The following USP30 variants were observed in gnomAD, a reference collection of about 807,000 sequenced individuals.
The protein encoded by USP30 is ubiquitin specific peptidase 30.
USP30 carries 41 observed loss-of-function variants against 68.2 expected under a neutral mutation model. The observed-to-expected ratio is 0.60, with a 90% CI of 0.47 to 0.78. The LOEUF is 0.78. USP30 is among the 30% of genes least tolerant of loss of function. The probability of loss-of-function intolerance (pLI) is 0.00; values close to 1 mark genes in which losing one functional copy is unlikely to be tolerated. For synonymous variants in USP30, 229 were observed against 253.7 expected (o/e 0.90, Z 0.93); for missense variants, 522 against 649.4 (o/e 0.80, Z 2.13).
chr12:109,048,199 C>T (rs964479570), upstream of USP30, among the ~76,000 whole-genome samples: 1 of 151,734 alleles, frequency 6.6e-6, no homozygotes, highest in African/African-American at 2.4e-5. Context: ...AATCCTCCCA[C>T]CTCAGCCTCC....
At chr12:109,076,510 T>G (rs2041612697) in intron 7 of USP30, among the ~76,000 whole-genome samples, 1 of 152,220 alleles carries the variant, frequency 6.6e-6, no homozygotes, top group East Asian at 1.9e-4. Context: ...GTTTCAAATC[T>G]TCTGAAGCAA....
rs2040750283 is a variant in USP30 at position 109,053,737 on chromosome 12, C to T, written c.83+976C>T. The T allele has an allele frequency of 1.5e-5, 4 of 258,108 alleles. No homozygotes were observed. In the Admixed American group the frequency reaches 2.1e-4, roughly 13 times the overall value. The allele number at this position is 258,108 out of a possible 1,614,324, so 16.0% of individuals were successfully genotyped here. ...CAGATCTTTTCATCCGCAGGCCCCA[C>T]CACTCTCCTCGTGATGTCATTTTGC... On this transcript the variant is annotated intron_variant, in intron 1 of 12. Coordinates refer to ENST00000257548, the MANE Select transcript of USP30 (RefSeq NM_032663.5).
chr12:109,028,016 G>A (rs574367710), intron 3 of USP30, among the ~76,000 whole-genome samples: 19 of 152,206 alleles, frequency 1.2e-4, no homozygotes, highest in Non-Finnish European at 2.6e-4. Flanking sequence ...CACCAGCAAT[G>A]CACAAGGATT....
chr12:109,067,281 T>G (rs375191817), intron 3 of USP30, among the ~76,000 whole-genome samples: 1 of 39,470 alleles, frequency 2.5e-5, no homozygotes, highest in Non-Finnish European at 8.7e-5. Context: ...GCCCGGCTAA[T>G]TTTTTTTTTT....
At chr12:109,031,646 T>C (rs992509199) in intron 3 of USP30, among the ~76,000 whole-genome samples, 1 of 152,224 alleles carries the variant, frequency 6.6e-6, no homozygotes, top group Non-Finnish European at 1.5e-5. Context: ...GGTCTATCCA[T>C]GCAATGGAAT....
At chr12:109,041,871 A>G (rs1336698582) in intron 3 of USP30, among the ~76,000 whole-genome samples, 1 of 152,186 alleles carries the variant, frequency 6.6e-6, no homozygotes, top group Non-Finnish European at 1.5e-5. Flanking sequence ...AAGCACAACC[A>G]GAAAAAAATA....
At chr12:109,042,857 G>A in intron 3 of USP30, among the ~76,000 whole-genome samples, 1 of 152,094 alleles carries the variant, frequency 6.6e-6, no homozygotes, top group East Asian at 1.9e-4. Context: ...AAACCTTAAA[G>A]AGTCCAGAAA....
Position 109,081,965 on chromosome 12 carries a change from C to T in USP30, c.813C>T (p.His271=), listed in dbSNP as rs139956606. The stretch of plus-strand genomic sequence containing the variant: ...CATTGACCCTGGACCACTGCCTTCA[C>T]CACTTCATCTCATCAGAATCAGTGC... ...GHPLTLDHCL[H]HFISSESVRD... is the part of the protein sequence containing the mutation. The change falls in exon 9 of 13, where the codon CAC becomes CAT. Residue 271 remains histidine, a synonymous_variant. Coordinates refer to ENST00000257548, the MANE Select transcript of USP30 (RefSeq NM_032663.5). 65 of 1,614,148 alleles carry T rather than the reference C, an allele frequency of 4.0e-5. No homozygotes were observed. The highest frequency in any genetic ancestry group is 3.4e-6 in the Non-Finnish European group (4 of 1,180,058).
chr12:109,037,703 T>C (rs2040531719), intron 3 of USP30, among the ~76,000 whole-genome samples: 1 of 152,184 alleles, frequency 6.6e-6, no homozygotes, highest in South Asian at 2.1e-4. Context: ...AATAATTGGA[T>C]AGAGATTTCC....
chr12:109,040,596 T>C (rs1169018497), intron 3 of USP30, among the ~76,000 whole-genome samples: 1 of 152,208 alleles, frequency 6.6e-6, no homozygotes, highest in East Asian at 1.9e-4. Flanking sequence ...ATGTTGGCTA[T>C]GGCTGTGGTC....
intron 9 of USP30, 49 bp downstream of exon 9, chr12:109,082,068 ATGT>A (rs778799807): frequency 1.9e-5 from 30 of 1,584,818 alleles, no homozygotes; most frequent in Non-Finnish European, 1.7e-6. Flanking sequence ...GTGTGTGCTG[ATGT>A]AGCGCCTCTC....
At chr12:109,026,625 G>A (rs2040447239) in intron 2 of USP30, among the ~76,000 whole-genome samples, 1 of 150,704 alleles carries the variant, frequency 6.6e-6, no homozygotes, top group South Asian at 2.1e-4. Flanking sequence ...GCACCACCAT[G>A]CCCACCTAAT....
rs2041959341 is a variant in USP30 at position 109,086,880 on chromosome 12, A to C, written c.*949A>C. On this transcript the variant is annotated 3_prime_UTR_variant, in exon 13 of 13. Transcript: ENST00000257548. ...GAGTTGACACCTGGCTTAGGAAGGA[A>C]GGGCTGACTATGGGGCTGCAGTCTC... The C allele has an allele frequency of 1.3e-5, 2 of 152,278 alleles. No homozygotes were observed. The highest frequency in any genetic ancestry group is 4.8e-5 in the African/African-American group (2 of 41,460). 9.4% of individuals were successfully genotyped at this position (152,278 alleles called of 1,614,324 possible). A position where few individuals can be genotyped will look rare whatever the true frequency, so the allele number is the denominator to read the frequency against.
intron 3 of USP30, 88 bp downstream of exon 3, chr12:109,058,196 T>A (rs2040936917): frequency 1.5e-6 from 2 of 1,325,810 alleles, no homozygotes; most frequent in Non-Finnish European, 2.1e-6. Context: ...GTTAATACCT[T>A]ATTGTAGGAA....
rs35466141 is a variant in USP30 at position 109,066,247 on chromosome 12, C to CAAA, written c.377-1260_377-1258dup. Among the ~76,000 whole-genome samples the CAAA allele has an allele frequency of 2.3e-3, 221 of 95,880 alleles. 3 individuals carry two copies. The highest frequency in any genetic ancestry group is 9.5e-3 in the African/African-American group (200 of 21,048). The allele number at this position is 95,880 out of a possible 152,430, so 62.9% of individuals were successfully genotyped here. ...AGCCTGACAGAATGAGACCCTGTCT[C>CAAA]AAAAAAAAAAAAAAAAAAAGCAAGC... On this transcript the variant is annotated intron_variant, in intron 3 of 12. Transcript: ENST00000257548.
At chr12:109,046,987 T>C (rs1239331168) in intron 3 of USP30, among the ~76,000 whole-genome samples, 1 of 152,098 alleles carries the variant, frequency 6.6e-6, no homozygotes, top group East Asian at 1.9e-4. Flanking sequence ...GTTGAGCCAC[T>C]GCGCCCGGCC....
Position 109,067,510 on chromosome 12 carries a change from T to G in USP30, c.377-14T>G, listed in dbSNP as rs76009193. 10,058 of 1,609,624 alleles carry G rather than the reference T, an allele frequency of 6.2e-3. 513 individuals are homozygous for G. In the African/African-American group the frequency reaches 0.11, roughly 18 times the overall value. On this transcript the variant is annotated splice_polypyrimidine_tract_variant and intron_variant, in intron 3 of 12. Coordinates refer to ENST00000257548, the MANE Select transcript of USP30 (RefSeq NM_032663.5). ...TGATGAATTTAATAATTGTCTTACC[T>G]TTTTTGTTTCCAGCCTTGTCCTGCC...
intron 1 of USP30, chr12:109,053,961 C>G: frequency 6.6e-6 from 3 of 455,562 alleles, no homozygotes; most frequent in South Asian, 3.1e-5. Flanking sequence ...TCACTGTGAC[C>G]AAGTTGGGCT....
intron 4 of USP30, 60 bp from the exon 5 acceptor site, chr12:109,071,552 A>G (rs1009604750): frequency 1.7e-5 from 24 of 1,416,490 alleles, no homozygotes; most frequent in Non-Finnish European, 2.1e-5. Flanking sequence ...CGAGGTGGGT[A>G]GTTCTGATCT....
Sources: gnomAD v4.1 joint callset for allele counts (sites outside exome capture counted in the v4.1 genomes callset) on GRCh38, gnomAD v4.1.1 for gene constraint, MANE v1.5 for transcripts, NCBI Gene and HGNC (gene_info 2026-07-23, HGNC 2026-07-21) for gene names.